SLC16A10: variants seen among roughly 807,000 people sequenced by gnomAD.
SLC16A10 encodes monocarboxylate transporter 10.
In SLC16A10, 27 loss-of-function variants were observed where a neutral mutation model predicts 40.0. The ratio of observed to expected loss-of-function variants is 0.67; its 90% CI spans 0.50 to 0.93. The LOEUF is 0.93. Among genes scored for constraint, SLC16A10 ranks in the 40% least tolerant of loss-of-function variants. The pLI is 0.00. For synonymous variants in SLC16A10, 213 were observed against 249.8 expected (o/e 0.85, Z 1.39); for missense variants, 529 against 658.2 (o/e 0.80, Z 2.15).
At chr6:111,207,878 G>A (rs768599584) in intron 4 of SLC16A10, among the ~76,000 whole-genome samples, 3 of 152,120 alleles carry the variant, frequency 2.0e-5, no homozygotes, top group Non-Finnish European at 4.4e-5. Flanking sequence ...TGGGAAGGGC[G>A]GTTATGTACA....
chr6:111,188,538 C>T (rs1366221097), intron 3 of SLC16A10, among the ~76,000 whole-genome samples: 1 of 151,926 alleles, frequency 6.6e-6, no homozygotes, highest in East Asian at 1.9e-4. Flanking sequence ...CTTAGGCTGG[C>T]CTTGAACTCC....
intron 3 of SLC16A10, among the ~76,000 whole-genome samples, chr6:111,181,786 G>A (rs1007305356): frequency 3.3e-5 from 5 of 152,096 alleles, no homozygotes; most frequent in African/African-American, 7.2e-5. Context: ...TTGCCTCCTC[G>A]AAGCTAAATT....
chr6:111,133,874 G>A (rs1771829778), intron 1 of SLC16A10, among the ~76,000 whole-genome samples: 1 of 152,196 alleles, frequency 6.6e-6, no homozygotes, highest in Non-Finnish European at 1.5e-5. Context: ...CAGAGTGCAT[G>A]TACCTTTTTC....
chr6:111,199,935 C>G (rs1323485848), intron 3 of SLC16A10, among the ~76,000 whole-genome samples: 1 of 152,044 alleles, frequency 6.6e-6, no homozygotes, highest in Non-Finnish European at 1.5e-5. Context: ...CTTCTGAACT[C>G]TTCTTTTTTC....
intron 4 of SLC16A10, among the ~76,000 whole-genome samples, chr6:111,212,967 C>T (rs1471575117): frequency 6.6e-6 from 1 of 152,084 alleles, no homozygotes; most frequent in African/African-American, 2.4e-5. Context: ...TATCTTTTTA[C>T]TATTTTCTTA....
At chr6:111,165,204 C>G (rs1016371234) in intron 1 of SLC16A10, among the ~76,000 whole-genome samples, 4 of 152,138 alleles carry the variant, frequency 2.6e-5, no homozygotes, top group African/African-American at 9.7e-5. Context: ...AAGACAAAAA[C>G]AGATTTTGAG....
intron 1 of SLC16A10, among the ~76,000 whole-genome samples, chr6:111,151,060 C>T: frequency 6.6e-6 from 1 of 152,146 alleles, no homozygotes; most frequent in Middle Eastern, 3.2e-3. Context: ...TAGTAGCGTA[C>T]ATACTCAGCA....
rs764085820 is a variant in SLC16A10 at position 111,229,634 on chromosome 6, A to C, written c.*7399A>C. 6.6e-6 allele frequency: 1 copy of C among 152,332 alleles called. No homozygotes were observed. The highest frequency in any genetic ancestry group is 2.4e-5 in the African/African-American group (1 of 41,586). 9.4% of individuals were successfully genotyped at this position (152,332 alleles called of 1,614,324 possible). On this transcript the variant is annotated 3_prime_UTR_variant, in exon 6 of 6. Coordinates refer to ENST00000368851, the MANE Select transcript of SLC16A10 (RefSeq NM_018593.5). ...AACATGGATAATGAGTTATTTGCAC[A>C]GTTATATTTTTATAATTATTTGAAA...
chr6:111,106,768 G>A (rs752349083), intron 1 of SLC16A10, among the ~76,000 whole-genome samples: 1 of 152,196 alleles, frequency 6.6e-6, no homozygotes, highest in East Asian at 1.9e-4. Context: ...CTGCATTGCA[G>A]CATGATCATT....
intron 1 of SLC16A10, among the ~76,000 whole-genome samples, chr6:111,166,381 T>G (rs1193161811): frequency 8.2e-6 from 1 of 121,334 alleles, no homozygotes; most frequent in Non-Finnish European, 2.0e-5. Flanking sequence ...ATAGTTTTGT[T>G]TAGCCCAGAT....
At chr6:111,111,326 A>G (rs905922850) in intron 1 of SLC16A10, among the ~76,000 whole-genome samples, 78 of 152,228 alleles carry the variant, frequency 5.1e-4, no homozygotes, top group African/African-American at 1.6e-3. Context: ...TACATTGTAG[A>G]ATTGTTAAGT....
At chr6:111,104,189 A>G (rs1771240605) in intron 1 of SLC16A10, among the ~76,000 whole-genome samples, 1 of 152,172 alleles carries the variant, frequency 6.6e-6, no homozygotes, top group South Asian at 2.1e-4. Flanking sequence ...TATTTAATAG[A>G]GGCAATGGGG....
At chr6:111,139,948 G>C (rs2114501090) in intron 1 of SLC16A10, among the ~76,000 whole-genome samples, 1 of 152,244 alleles carries the variant, frequency 6.6e-6, no homozygotes, top group African/African-American at 2.4e-5. Flanking sequence ...ATAGGTGGGA[G>C]CTAAATGATA....
chr6:111,218,695 A>T, intron 4 of SLC16A10, 119 bp from the exon 5 acceptor site: 1 of 762,708 alleles, frequency 1.3e-6, no homozygotes, highest in South Asian at 1.6e-5. Flanking sequence ...AAAGTGAATG[A>T]GGCAGTGGCA....
intron 5 of SLC16A10, among the ~76,000 whole-genome samples, chr6:111,221,796 T>A (rs1208334543): frequency 1.3e-5 from 2 of 151,808 alleles, no homozygotes; most frequent in East Asian, 3.9e-4. Flanking sequence ...TGTCTTGGTA[T>A]GAAAATCCAG....
chr6:111,197,881 G>A (rs77082113), intron 3 of SLC16A10, among the ~76,000 whole-genome samples: 2,163 of 152,232 alleles, frequency 0.014, 47 homozygotes, highest in African/African-American at 0.05. Flanking sequence ...TAAGCCACTT[G>A]TGATGGATCC....
chr6:111,132,729 C>G (rs980312400), intron 1 of SLC16A10, among the ~76,000 whole-genome samples: 5 of 152,168 alleles, frequency 3.3e-5, no homozygotes, highest in Non-Finnish European at 7.4e-5. Flanking sequence ...GGATTTAAAT[C>G]TTAATTACCA....
chr6:111,090,643 A>G (rs1027866927), intron 1 of SLC16A10, among the ~76,000 whole-genome samples: 1 of 152,172 alleles, frequency 6.6e-6, no homozygotes, highest in Non-Finnish European at 1.5e-5. Flanking sequence ...ACACACACAC[A>G]CACAAAGGTG....
rs112124929 is a variant in SLC16A10, at chr6:111,105,906, T to C, written c.343+17811T>C. Among the ~76,000 whole-genome samples, 452 of 152,328 alleles carry C rather than the reference T, an allele frequency of 3.0e-3. 5 individuals are homozygous for C. The highest frequency in any genetic ancestry group is 0.01 in the African/African-American group (428 of 41,576). On this transcript the variant is annotated intron_variant, in intron 1 of 5. Coordinates refer to ENST00000368851, the MANE Select transcript of SLC16A10 (RefSeq NM_018593.5). ...GGATGAAAGGGAATTGATAGTTGTG[T>C]AAGAATAGATATCTGCCGTTTTTTG...
Sources: allele counts gnomAD v4.1 joint callset (sites outside exome capture counted in the v4.1 genomes callset), GRCh38; gene constraint gnomAD v4.1.1; transcripts MANE v1.5; gene names NCBI Gene and HGNC (gene_info 2026-07-23, HGNC 2026-07-21).